Variants in EXOC2 observed in about 807,000 individuals in gnomAD.
EXOC2 encodes the protein exocyst complex component 2.
Under a neutral mutation model 131.8 loss-of-function variants are expected in EXOC2, and 70 were observed. That is an observed-to-expected ratio of 0.53 (90% CI 0.44 to 0.65). The LOEUF (loss-of-function observed/expected upper bound fraction) is 0.65, where lower values mean the gene tolerates loss of function less well. EXOC2 is among the 30% of genes least tolerant of loss of function. The pLI is 0.00. For synonymous variants in EXOC2, 411 were observed against 398.4 expected (o/e 1.03, Z -0.38); for missense variants, 923 against 1,108.6 (o/e 0.83, Z 2.38).
chr6:620,687 T>C (rs1336871560), intron 4 of EXOC2, among the ~76,000 whole-genome samples: 1 of 151,428 alleles, frequency 6.6e-6, no homozygotes, highest in Non-Finnish European at 1.5e-5. Flanking sequence ...ATTCAGAAAT[T>C]AGGCAGCTTA....
At chr6:499,833 T>C (rs1007263064) in intron 23 of EXOC2, 133 bp from the exon 24 acceptor site, 3 of 664,722 alleles carry the variant, frequency 4.5e-6, no homozygotes, top group Non-Finnish European at 8.0e-6. Flanking sequence ...CTATTTCCTT[T>C]TGAGAATCAA....
chr6:601,071 T>C (rs1364753390), intron 7 of EXOC2, among the ~76,000 whole-genome samples: 3 of 152,226 alleles, frequency 2.0e-5, no homozygotes, highest in African/African-American at 7.2e-5. Context: ...ATTTTATGTC[T>C]TTCTTCTTTA....
Position 592,601 on chromosome 6 carries a change from T to A in EXOC2, c.1074-14A>T. ...TCAGACAGGTACCTGAAAAAGCAAGTCCAAGGTTGAGGCCAAAGGGAAATG... is the reference window on the plus strand; with the variant it reads ...TCAGACAGGTACCTGAAAAAGCAAGACCAAGGTTGAGGCCAAAGGGAAATG... On this transcript the variant is annotated splice_polypyrimidine_tract_variant and intron_variant, in intron 10 of 27. Transcript: ENST00000230449. The A allele has an allele frequency of 6.2e-7, 1 of 1,601,948 alleles. No individual in the cohort carries two copies. Among genetic ancestry groups the A allele is most frequent in the South Asian group, 1.1e-5 (1 of 89,916 alleles).
At chr6:497,671 TAAC>T (rs1415495311) in intron 24 of EXOC2, among the ~76,000 whole-genome samples, 182 bp from the exon 25 acceptor site, 1 of 152,250 alleles carries the variant, frequency 6.6e-6, no homozygotes, top group Non-Finnish European at 1.5e-5. Context: ...ATTGACTGAT[TAAC>T]AACAAAAATT....
intron 22 of EXOC2, among the ~76,000 whole-genome samples, chr6:537,294 A>G (rs75164917): frequency 0.013 from 942 of 73,194 alleles, 19 homozygotes; most frequent in Admixed American, 0.078. Context: ...TCGAGTTGAC[A>G]GCCGACGGAG....
At chr6:550,158 G>C (rs1454223715) in intron 21 of EXOC2, among the ~76,000 whole-genome samples, 1 of 152,232 alleles carries the variant, frequency 6.6e-6, no homozygotes, top group East Asian at 1.9e-4. Context: ...CTAATCTAGA[G>C]CCTTGAGTTA....
chr6:645,694 A>ATG lies in EXOC2; in HGVS notation c.-43-7835_-43-7834dup, dbSNP rs949244596. Among the ~76,000 whole-genome samples, 7 of 152,104 alleles carry ATG rather than the reference A, an allele frequency of 4.6e-5. 1 individual carries two copies. Among genetic ancestry groups the ATG allele is most frequent in the African/African-American group, 1.7e-4 (7 of 41,396 alleles). On this transcript the variant is annotated intron_variant, in intron 1 of 27. Coordinates refer to ENST00000230449, the MANE Select transcript of EXOC2 (RefSeq NM_018303.6). Reference sequence around the variant, plus strand: ...GACAAAGAAGTGTACTGGTAGATTTATGTGTGTGTGCAAGTGTGTATTTTC... The same window carrying ATG: ...GACAAAGAAGTGTACTGGTAGATTTATGTGTGTGTGTGCAAGTGTGTATTTTC...
chr6:617,603 C>T, intron 6 of EXOC2, 108 bp downstream of exon 6: 2 of 1,381,162 alleles, frequency 1.4e-6, no homozygotes, highest in Non-Finnish European at 1.9e-6. Flanking sequence ...TTTGAGATCT[C>T]TACTTTGATA....
At chr6:503,165 C>CTT (rs34676213) in intron 23 of EXOC2, among the ~76,000 whole-genome samples, 2 of 147,010 alleles carry the variant, frequency 1.4e-5, no homozygotes, top group South Asian at 2.2e-4. Flanking sequence ...GGAGCAAGTA[C>CTT]TTTTTTTTTT....
chr6:492,854 A>T (rs554937614), intron 25 of EXOC2, among the ~76,000 whole-genome samples: 149 of 152,346 alleles, frequency 9.8e-4, no homozygotes, highest in African/African-American at 3.4e-3. Context: ...GAATATACCA[A>T]AAATCATTGA....
intron 12 of EXOC2, among the ~76,000 whole-genome samples, 164 bp from the exon 13 acceptor site, chr6:572,808 C>T (rs974760401): frequency 1.3e-5 from 2 of 152,348 alleles, no homozygotes; most frequent in East Asian, 1.9e-4. Context: ...ACACCGGCAG[C>T]GGTACGCTCG....
chr6:666,381 A>AAGCCAG (rs1763648018), intron 1 of EXOC2, among the ~76,000 whole-genome samples: 1 of 100,900 alleles, frequency 9.9e-6, no homozygotes, highest in Admixed American at 1.1e-4. Context: ...TGAGCAAATG[A>AAGCCAG]TTCAAATGTT....
intron 24 of EXOC2, 139 bp from the exon 25 acceptor site, chr6:497,628 T>A: frequency 2.7e-6 from 3 of 1,129,858 alleles, no homozygotes; most frequent in Non-Finnish European, 3.7e-6. Context: ...AAATTATAAA[T>A]GAAAGGAAGA....
intron 13 of EXOC2, among the ~76,000 whole-genome samples, chr6:568,161 CTAGGTGTGTCTGT>C (rs1422645770): frequency 1.3e-5 from 2 of 152,176 alleles, no homozygotes; most frequent in Non-Finnish European, 2.9e-5. Context: ...AAACATTACT[CTAGGTGTGTCTGT>C]GAGGTGTTTC....
At chr6:495,272 C>T (rs982046272) in intron 25 of EXOC2, among the ~76,000 whole-genome samples, 10 of 152,062 alleles carry the variant, frequency 6.6e-5, no homozygotes, top group African/African-American at 2.4e-4. Context: ...ACTACAGGCG[C>T]CCGCCACCGC....
At chr6:638,944 T>C (rs1303543892) in intron 1 of EXOC2, among the ~76,000 whole-genome samples, 1 of 120,542 alleles carries the variant, frequency 8.3e-6, no homozygotes, top group Non-Finnish European at 1.8e-5. Context: ...ATAATAAAAA[T>C]AATAAAATTT....
At chr6:647,237 T>C (rs926292790) in intron 1 of EXOC2, among the ~76,000 whole-genome samples, 6 of 152,144 alleles carry the variant, frequency 3.9e-5, no homozygotes, top group Non-Finnish European at 5.9e-5. Context: ...AATTTTTAAG[T>C]AGAAATATGC....
intron 27 of EXOC2, among the ~76,000 whole-genome samples, chr6:488,496 A>G (rs1763224692): frequency 6.6e-6 from 1 of 152,144 alleles, no homozygotes; most frequent in African/African-American, 2.4e-5. Flanking sequence ...TATATATAAA[A>G]CTTTATTATG....
intron 2 of EXOC2, among the ~76,000 whole-genome samples, chr6:634,618 A>G (rs1490417023): frequency 3.3e-5 from 5 of 152,358 alleles, no homozygotes; most frequent in Admixed American, 2.0e-4. Context: ...CTTTAAAGAT[A>G]CATTGCTTGA....
Sources: gnomAD v4.1 joint callset for allele counts (sites outside exome capture counted in the v4.1 genomes callset) on GRCh38, gnomAD v4.1.1 for gene constraint, MANE v1.5 for transcripts, NCBI Gene and HGNC (gene_info 2026-07-23, HGNC 2026-07-21) for gene names.